GMDS: variants seen among roughly 807,000 people sequenced by gnomAD.
GMDS encodes the protein GDP-mannose 4,6 dehydratase.
A neutral mutation model predicts 49.9 loss-of-function variants in GMDS; 20 were observed. The observed-to-expected ratio is 0.40, with a 90% confidence interval of 0.28 to 0.58. The LOEUF is 0.58. Among genes scored for constraint, GMDS ranks in the 20% least tolerant of loss-of-function variants. The pLI, the probability that GMDS is intolerant of heterozygous loss-of-function variation, is 0.42. For missense variants in GMDS, 362 were observed against 481.4 expected, an observed-to-expected ratio of 0.75 and a Z score of 2.32; for synonymous variants, 177 against 178.6, an observed-to-expected ratio of 0.99 and a Z score of 0.07.
intron 9 of GMDS, among the ~76,000 whole-genome samples, chr6:1,665,618 G>A (rs1470234797): frequency 1.3e-5 from 2 of 152,160 alleles, no homozygotes; most frequent in Non-Finnish European, 2.9e-5. Flanking sequence ...CGGGGCAGAA[G>A]GCTTTGCTGT....
At chr6:1,831,291 T>C (rs1374687660) in intron 7 of GMDS, among the ~76,000 whole-genome samples, 1 of 152,258 alleles carries the variant, frequency 6.6e-6, no homozygotes, top group Admixed American at 6.5e-5. Flanking sequence ...ACAAGTGATA[T>C]AAGCAAGAAT....
intron 7 of GMDS, among the ~76,000 whole-genome samples, chr6:1,838,468 G>C (rs1046308737): frequency 1.3e-5 from 2 of 152,164 alleles, no homozygotes; most frequent in Non-Finnish European, 2.9e-5. Flanking sequence ...GGAGTATCAG[G>C]GATGATGAGG....
At chr6:1,730,073 G>C (rs1766734482) in intron 8 of GMDS, among the ~76,000 whole-genome samples, 1 of 152,244 alleles carries the variant, frequency 6.6e-6, no homozygotes, top group Non-Finnish European at 1.5e-5. Flanking sequence ...CACACTCCTC[G>C]TAGTGACCCA....
At chr6:1,943,242 C>T (rs191962366) in intron 6 of GMDS, among the ~76,000 whole-genome samples, 2 of 152,316 alleles carry the variant, frequency 1.3e-5, no homozygotes, top group Admixed American at 6.5e-5. Context: ...ACAGCTAGTT[C>T]CCAACTGCCT....
intron 4 of GMDS, among the ~76,000 whole-genome samples, chr6:2,003,040 G>C (rs920850966): frequency 6.6e-6 from 1 of 151,916 alleles, no homozygotes; most frequent in Non-Finnish European, 1.5e-5. Flanking sequence ...TAGAACACTG[G>C]CTACCACAAG....
At chr6:1,747,289 G>A (rs931460048) in intron 7 of GMDS, among the ~76,000 whole-genome samples, 15 of 152,252 alleles carry the variant, frequency 9.9e-5, no homozygotes, top group African/African-American at 3.1e-4. Context: ...CCACCTCGAC[G>A]TTAACCTCCA....
chr6:2,008,862 C>A (rs939950987), intron 4 of GMDS, among the ~76,000 whole-genome samples: 2 of 152,118 alleles, frequency 1.3e-5, no homozygotes, highest in South Asian at 4.1e-4. Flanking sequence ...ACGTAACATA[C>A]CTCATTTTTT....
intron 9 of GMDS, among the ~76,000 whole-genome samples, chr6:1,689,730 G>C: frequency 6.6e-6 from 1 of 152,120 alleles, no homozygotes; most frequent in Non-Finnish European, 1.5e-5. Flanking sequence ...CGGTCACCTT[G>C]GCAAAGGATT....
intron 7 of GMDS, among the ~76,000 whole-genome samples, chr6:1,866,210 A>G (rs971652817): frequency 2.6e-5 from 4 of 152,214 alleles, no homozygotes; most frequent in African/African-American, 9.6e-5. Flanking sequence ...AAATGTTTAT[A>G]TAGTAATTAA....
chr6:2,019,720 G>C (rs1768148520), intron 4 of GMDS, among the ~76,000 whole-genome samples: 2 of 152,168 alleles, frequency 1.3e-5, no homozygotes, highest in Admixed American at 1.3e-4. Flanking sequence ...AAAGTCCTGA[G>C]ATTACAGGCA....
intron 9 of GMDS, among the ~76,000 whole-genome samples, chr6:1,713,492 G>A (rs1035234589): frequency 6.6e-6 from 1 of 152,192 alleles, no homozygotes; most frequent in Non-Finnish European, 1.5e-5. Flanking sequence ...TGAAAGAAGA[G>A]ACAATGTATT....
intron 4 of GMDS, among the ~76,000 whole-genome samples, chr6:2,087,740 G>T (rs1200122830): frequency 6.6e-6 from 1 of 152,142 alleles, no homozygotes; most frequent in Non-Finnish European, 1.5e-5. Context: ...AGTCTTGGAC[G>T]TTTAGTTATC....
intron 7 of GMDS, among the ~76,000 whole-genome samples, chr6:1,900,402 A>G (rs373358616): frequency 1.3e-5 from 2 of 152,332 alleles, no homozygotes; most frequent in East Asian, 1.9e-4. Context: ...ACAAGCACCA[A>G]TGAAATCCAT....
At chr6:1,978,038 C>T (rs989461295) in intron 4 of GMDS, among the ~76,000 whole-genome samples, 2 of 152,184 alleles carry the variant, frequency 1.3e-5, no homozygotes, top group Non-Finnish European at 2.9e-5. Flanking sequence ...CTTGGAATTC[C>T]AGCTGGCCAC....
At chr6:2,010,662 A>G (rs1344388532) in intron 4 of GMDS, among the ~76,000 whole-genome samples, 2 of 152,226 alleles carry the variant, frequency 1.3e-5, no homozygotes, top group Non-Finnish European at 2.9e-5. Flanking sequence ...AACAAAAACT[A>G]TACCAAATAA....
At chr6:1,768,400 CA>C (rs1404171942) in intron 7 of GMDS, among the ~76,000 whole-genome samples, 1 of 152,022 alleles carries the variant, frequency 6.6e-6, no homozygotes, top group African/African-American at 2.4e-5. Flanking sequence ...AGAACAGCTC[CA>C]AAAAAGGGAT....
At chr6:2,193,332 T>G (rs1779133570) in intron 1 of GMDS, among the ~76,000 whole-genome samples, 1 of 152,178 alleles carries the variant, frequency 6.6e-6, no homozygotes, top group African/African-American at 2.4e-5. Context: ...TATTCCAAAT[T>G]TAACCAAATT....
intron 7 of GMDS, among the ~76,000 whole-genome samples, chr6:1,759,452 T>C (rs1768079295): frequency 6.6e-6 from 1 of 152,234 alleles, no homozygotes; most frequent in Admixed American, 6.5e-5. Flanking sequence ...CTCTTGTGCA[T>C]TCTCCTAATG....
chr6:1,774,644 T>C (rs1450538301), intron 7 of GMDS, among the ~76,000 whole-genome samples: 1 of 152,200 alleles, frequency 6.6e-6, no homozygotes, highest in Non-Finnish European at 1.5e-5. Context: ...CCAGGAAAGA[T>C]GTTTCAGGCT....
Sources: allele counts gnomAD v4.1 joint callset (sites outside exome capture counted in the v4.1 genomes callset), GRCh38; gene constraint gnomAD v4.1.1; transcripts MANE v1.5; gene names NCBI Gene and HGNC (gene_info 2026-07-23, HGNC 2026-07-21).